Variants in KIAA0825 observed in about 807,000 individuals in gnomAD.
KIAA0825 encodes the protein KIAA0825.
In KIAA0825, 119 loss-of-function variants were observed where a neutral mutation model predicts 147.6. The observed-to-expected ratio is 0.81, with a 90% CI of 0.69 to 0.94. The LOEUF (loss-of-function observed/expected upper bound fraction) is 0.94. Ranked by LOEUF, KIAA0825 falls within the 40% of genes least tolerant of loss-of-function variation. The pLI is 0.00. For missense variants in KIAA0825, 1,381 were observed against 1,472.7 expected, an observed-to-expected ratio of 0.94 and a Z score of 1.02; for synonymous variants, 470 against 518.1, an observed-to-expected ratio of 0.91 and a Z score of 1.26.
chr5:94,337,469 T>C (rs1781935937), intron 20 of KIAA0825, among the ~76,000 whole-genome samples: 1 of 152,222 alleles, frequency 6.6e-6, no homozygotes, highest in Admixed American at 6.5e-5. Context: ...TTCTCTATTG[T>C]TTACATTTAT....
At chr5:94,209,471 TA>T (rs1271704206) in intron 20 of KIAA0825, among the ~76,000 whole-genome samples, 1 of 152,154 alleles carries the variant, frequency 6.6e-6, no homozygotes, top group East Asian at 1.9e-4. Flanking sequence ...GAAATTTAAA[TA>T]AGAGACGAAC....
chr5:94,539,702 C>T (rs1772889174), intron 2 of KIAA0825, among the ~76,000 whole-genome samples: 2 of 152,176 alleles, frequency 1.3e-5, no homozygotes, highest in South Asian at 2.1e-4. Context: ...TCCTAAGACA[C>T]TGGGTTAGAG....
intron 20 of KIAA0825, among the ~76,000 whole-genome samples, chr5:94,296,530 G>C (rs1208043023): frequency 6.6e-6 from 1 of 152,198 alleles, no homozygotes; most frequent in East Asian, 1.9e-4. Context: ...GGGCCTTGGT[G>C]GTGTAGGCAG....
chr5:94,344,148 A>G (rs983226664), intron 20 of KIAA0825, among the ~76,000 whole-genome samples: 2 of 152,222 alleles, frequency 1.3e-5, no homozygotes, highest in Non-Finnish European at 2.9e-5. Flanking sequence ...AGGTTCATGT[A>G]TATCAATGTT....
At chr5:94,314,441 T>C (rs1779463764) in intron 20 of KIAA0825, among the ~76,000 whole-genome samples, 1 of 151,616 alleles carries the variant, frequency 6.6e-6, no homozygotes, top group African/African-American at 2.4e-5. Flanking sequence ...GGCACCATGT[T>C]AAAAACAAAG....
At chr5:94,509,063 AG>A (rs1371782958) in intron 5 of KIAA0825, among the ~76,000 whole-genome samples, 1 of 152,188 alleles carries the variant, frequency 6.6e-6, no homozygotes, top group African/African-American at 2.4e-5. Context: ...GAAATGAAGC[AG>A]GGGGGTCTGA....
At chr5:94,387,649 C>G (rs539965370) in intron 18 of KIAA0825, among the ~76,000 whole-genome samples, 1 of 151,374 alleles carries the variant, frequency 6.6e-6, no homozygotes, top group African/African-American at 2.4e-5. Context: ...AAGCTGAGAT[C>G]GCACCACTGC....
chr5:94,416,921 A>G, intron 15 of KIAA0825: 1 of 264,962 alleles, frequency 3.8e-6, no homozygotes, highest in Middle Eastern at 9.7e-4. Context: ...TGTGATAAAT[A>G]TTAAAATAAA....
intron 20 of KIAA0825, among the ~76,000 whole-genome samples, chr5:94,247,924 A>T (rs765758816): frequency 3.9e-5 from 6 of 152,096 alleles, no homozygotes; most frequent in Non-Finnish European, 8.8e-5. Flanking sequence ...AATATATTTT[A>T]AAATGTTTTC....
intron 20 of KIAA0825, among the ~76,000 whole-genome samples, chr5:94,238,080 T>C (rs1369100742): frequency 1.3e-5 from 2 of 152,206 alleles, no homozygotes; most frequent in East Asian, 3.8e-4. Flanking sequence ...TTTTGCACTC[T>C]AGTTAATGAT....
At chr5:94,258,964 A>T (rs1776368394) in intron 20 of KIAA0825, among the ~76,000 whole-genome samples, 1 of 152,056 alleles carries the variant, frequency 6.6e-6, no homozygotes, top group Non-Finnish European at 1.5e-5. Context: ...TATGTAATGT[A>T]GTTCATTCAA....
At chr5:94,269,822 C>T (rs1168740273) in intron 20 of KIAA0825, among the ~76,000 whole-genome samples, 2 of 151,928 alleles carry the variant, frequency 1.3e-5, no homozygotes, top group African/African-American at 4.8e-5. Flanking sequence ...AGCAGAAATA[C>T]ATGAAATTGA....
intron 5 of KIAA0825, among the ~76,000 whole-genome samples, chr5:94,501,352 T>C (rs749666211): frequency 2.6e-5 from 4 of 152,196 alleles, no homozygotes; most frequent in African/African-American, 4.8e-5. Context: ...GTAATAGCCA[T>C]ATTAATACTT....
At chr5:94,200,301 G>A (rs1189608828) in intron 20 of KIAA0825, among the ~76,000 whole-genome samples, 1 of 152,142 alleles carries the variant, frequency 6.6e-6, no homozygotes, top group Non-Finnish European at 1.5e-5. Flanking sequence ...GAGCTCCTCA[G>A]GGCCAGGAAT....
chr5:94,469,306 A>C (rs1760926821), intron 10 of KIAA0825, among the ~76,000 whole-genome samples: 1 of 151,762 alleles, frequency 6.6e-6, no homozygotes, highest in African/African-American at 2.4e-5. Context: ...GAGTAGCTGT[A>C]ATTACAGGCA....
chr5:94,547,485 C>A (rs1168046055), intron 2 of KIAA0825, among the ~76,000 whole-genome samples: 1 of 152,062 alleles, frequency 6.6e-6, no homozygotes, highest in Non-Finnish European at 1.5e-5. Context: ...TGCCTGTAAT[C>A]CCAGCATTTT....
intron 1 of KIAA0825, among the ~76,000 whole-genome samples, chr5:94,587,815 C>T (rs1000561100): frequency 2.0e-5 from 3 of 152,126 alleles, no homozygotes; most frequent in African/African-American, 7.2e-5. Context: ...GCTACAGTAA[C>T]CAAAACAGCA....
chr5:94,429,343 C>G (rs559949937), intron 14 of KIAA0825, among the ~76,000 whole-genome samples: 1 of 152,036 alleles, frequency 6.6e-6, no homozygotes, highest in African/African-American at 2.4e-5. Flanking sequence ...TAGTTATTTT[C>G]ACGCAGGTAG....
At position 94,427,351 on chromosome 5, in the gene KIAA0825, T is replaced by C. The variant is rs1023184178; in HGVS notation, c.2498-9986A>G. ...GAGTTCAAGACCAGCCTGGGCAACA[T>C]AGCAAGATCCCATCTCTACAAAAAA... On this transcript the variant is annotated intron_variant, in intron 14 of 20. Transcript: ENST00000682413. 8.6e-5 allele frequency among the ~76,000 whole-genome samples: 13 copies of C among 151,936 alleles called. 1 individual carries two copies. Among genetic ancestry groups the C allele is most frequent in the African/African-American group, 2.9e-4 (12 of 41,350 alleles).
Sources: gnomAD v4.1 joint callset for allele counts (sites outside exome capture counted in the v4.1 genomes callset) on GRCh38, gnomAD v4.1.1 for gene constraint, MANE v1.5 for transcripts, NCBI Gene and HGNC (gene_info 2026-07-23, HGNC 2026-07-21) for gene names.